The following DLG1 variants were observed in gnomAD, a reference collection of about 807,000 sequenced individuals.
DLG1 encodes the protein discs large MAGUK scaffold protein 1.
DLG1 carries 42 observed loss-of-function variants against 123.4 expected under a neutral mutation model. The ratio of observed to expected loss-of-function variants is 0.34; its 90% confidence interval spans 0.27 to 0.44. The LOEUF (loss-of-function observed/expected upper bound fraction) is 0.44. Ranked by LOEUF, DLG1 falls within the 20% of genes least tolerant of loss-of-function variation. The pLI is 1.00. For missense variants in DLG1, 942 were observed against 1,082.6 expected (o/e 0.87, Z 1.82); for synonymous variants, 317 against 356.2 (o/e 0.89, Z 1.24).
At chr3:197,136,987 C>T (rs1218674805) in intron 9 of DLG1, among the ~76,000 whole-genome samples, 1 of 152,142 alleles carries the variant, frequency 6.6e-6, no homozygotes, top group Non-Finnish European at 1.5e-5. Context: ...CATAATTATG[C>T]TTACCTACAC....
At chr3:197,234,415 G>A (rs1329589824) in intron 4 of DLG1, among the ~76,000 whole-genome samples, 1 of 152,164 alleles carries the variant, frequency 6.6e-6, no homozygotes, top group East Asian at 1.9e-4. Flanking sequence ...GATGAATTTA[G>A]GAGTAGAGTT....
chr3:197,298,712 G>C (rs533128336), upstream of DLG1: 15 of 397,556 alleles, frequency 3.8e-5, no homozygotes, highest in East Asian at 5.4e-4. Context: ...AGGAGTTCGG[G>C]GAGGGGTGCC....
At position 197,119,415 on chromosome 3, in the gene DLG1, A is replaced by G. The variant is rs754242138; in HGVS notation, c.1281T>C (p.Ile427=). Residue 427 remains isoleucine (I), a synonymous_variant, in exon 12 of 25, where the codon ATT becomes ATC. Coordinates refer to ENST00000667157, the MANE Select transcript of DLG1 (RefSeq NM_001366207.1). Reference sequence around the variant, plus strand: ...ATAAATGTTAACTTCCTTACCTTGTAATTTCATCATCTCCAAGTACTGCTT... The same window carrying G: ...ATAAATGTTAACTTCCTTACCTTGTGATTTCATCATCTCCAAGTACTGCTT... ...VSKAVLGDDE[I]TREPRKVVLH... The G allele has an allele frequency of 3.7e-6, 6 of 1,600,048 alleles. No individual in the cohort carries two copies. Among genetic ancestry groups the G allele is most frequent in the African/African-American group, 2.7e-5 (2 of 74,520 alleles).
chr3:197,049,828 C>T (rs1393981991), intron 24 of DLG1, among the ~76,000 whole-genome samples: 2 of 152,120 alleles, frequency 1.3e-5, no homozygotes, highest in Non-Finnish European at 2.9e-5. Context: ...TCTGGGAGGC[C>T]GAGGAAGAAC....
intron 5 of DLG1, among the ~76,000 whole-genome samples, chr3:197,159,017 G>A (rs1231316296): frequency 6.6e-6 from 1 of 152,110 alleles, no homozygotes; most frequent in Non-Finnish European, 1.5e-5. Context: ...TACACTCCCA[G>A]TAAGAAGAAC....
chr3:197,055,126 A>G (rs1730765009), intron 23 of DLG1, among the ~76,000 whole-genome samples: 1 of 151,700 alleles, frequency 6.6e-6, no homozygotes. Flanking sequence ...ATTTTTGCTT[A>G]CCTTTTATAG....
At chr3:197,234,261 G>A (rs549935841) in intron 4 of DLG1, among the ~76,000 whole-genome samples, 2 of 152,316 alleles carry the variant, frequency 1.3e-5, no homozygotes, top group East Asian at 3.9e-4. Flanking sequence ...ACACAGACAG[G>A]CTTACAACCC....
chr3:197,212,104 G>GA (rs1731543388), intron 4 of DLG1, among the ~76,000 whole-genome samples: 1 of 146,340 alleles, frequency 6.8e-6, no homozygotes, highest in African/African-American at 2.4e-5. Flanking sequence ...AGAGTGGGAG[G>GA]AGGGAGAGGA....
chr3:197,241,000 A>G (rs559879610), intron 4 of DLG1, among the ~76,000 whole-genome samples: 4 of 152,204 alleles, frequency 2.6e-5, no homozygotes, highest in Non-Finnish European at 5.9e-5. Flanking sequence ...TCAAAGAAAT[A>G]ATAGAAAACT....
chr3:197,249,328 G>A (rs986916986), intron 4 of DLG1, among the ~76,000 whole-genome samples: 1 of 151,960 alleles, frequency 6.6e-6, no homozygotes, highest in Non-Finnish European at 1.5e-5. Flanking sequence ...TTGGATACAT[G>A]ACTTTCAAGA....
chr3:197,149,446 C>T (rs1365795476), intron 6 of DLG1, among the ~76,000 whole-genome samples: 1 of 152,060 alleles, frequency 6.6e-6, no homozygotes, highest in Non-Finnish European at 1.5e-5. Flanking sequence ...AAATATATGG[C>T]ACTGTGTAAG....
chr3:197,116,300 A>G (rs1218660012), intron 12 of DLG1, among the ~76,000 whole-genome samples: 2 of 152,134 alleles, frequency 1.3e-5, no homozygotes, highest in African/African-American at 4.8e-5. Flanking sequence ...AACCTGTGTT[A>G]TATAAAACAG....
chr3:197,044,863 T>C, intron 24 of DLG1, 134 bp from the exon 25 acceptor site: 1 of 435,034 alleles, frequency 2.3e-6, no homozygotes, highest in South Asian at 8.4e-5. Flanking sequence ...TTACACACTG[T>C]TCACTTAGGA....
Position 197,068,608 on chromosome 3 carries a change from A to G in DLG1, c.2047+611T>C, listed in dbSNP as rs1194258614. ...TTTAATTTTTAAGGTGCTACAACTGATATTATGTACCCTCCCCTTCTCCCA... is the reference window on the plus strand; with the variant it reads ...TTTAATTTTTAAGGTGCTACAACTGGTATTATGTACCCTCCCCTTCTCCCA... On this transcript the variant is annotated intron_variant, in intron 19 of 24. Transcript: ENST00000667157. The G allele has an allele frequency of 1.5e-5, 14 of 956,480 alleles. 1 individual carries two copies. In the East Asian group the frequency reaches 3.7e-4, roughly 25 times the overall value. The allele number at this position is 956,480 out of a possible 1,614,324, so 59.2% of individuals were successfully genotyped here.
intron 16 of DLG1, among the ~76,000 whole-genome samples, chr3:197,084,354 G>A (rs1241365574): frequency 2.7e-5 from 4 of 149,898 alleles, no homozygotes; most frequent in Admixed American, 6.7e-5. Context: ...CTCTGTCGCC[G>A]AGGCTGGAGT....
chr3:197,243,992 T>C (rs998034673), intron 4 of DLG1, among the ~76,000 whole-genome samples: 10 of 152,202 alleles, frequency 6.6e-5, no homozygotes, highest in Non-Finnish European at 1.0e-4. Context: ...CAAGTGCCGC[T>C]CCAGTTACTT....
intron 4 of DLG1, among the ~76,000 whole-genome samples, chr3:197,275,902 T>C (rs1440060239): frequency 2.6e-5 from 4 of 152,198 alleles, no homozygotes; most frequent in African/African-American, 9.7e-5. Flanking sequence ...CACAAAGAAA[T>C]GATAAATGCT....
At chr3:197,152,012 A>C (rs1449318237) in intron 5 of DLG1, among the ~76,000 whole-genome samples, 2 of 152,196 alleles carry the variant, frequency 1.3e-5, no homozygotes, top group Non-Finnish European at 2.9e-5. Flanking sequence ...ACTGTTGTCC[A>C]AGTTGGAACT....
intron 24 of DLG1, among the ~76,000 whole-genome samples, chr3:197,049,248 C>T (rs1278152263): frequency 1.3e-5 from 2 of 152,052 alleles, no homozygotes; most frequent in South Asian, 2.1e-4. Context: ...ACCCAGGAGG[C>T]GATGGTTGCA....
Sources: allele counts gnomAD v4.1 joint callset (sites outside exome capture counted in the v4.1 genomes callset), GRCh38; gene constraint gnomAD v4.1.1; transcripts MANE v1.5; gene names NCBI Gene and HGNC (gene_info 2026-07-23, HGNC 2026-07-21).